ATP10D: variants seen among roughly 807,000 people sequenced by gnomAD.
ATP10D encodes the protein ATPase phospholipid transporting 10D (putative).
ATP10D carries 89 observed loss-of-function variants against 144.8 expected under a neutral mutation model. That is an observed-to-expected ratio of 0.61 (90% CI 0.52 to 0.73). The LOEUF (loss-of-function observed/expected upper bound fraction) is 0.73. Ranked by LOEUF, ATP10D falls within the 30% of genes least tolerant of loss-of-function variation. The pLI is 0.00. For synonymous variants in ATP10D, 571 were observed against 615.1 expected, an observed-to-expected ratio of 0.93 and a Z score of 1.06; for missense variants, 1,603 against 1,714.8, an observed-to-expected ratio of 0.93 and a Z score of 1.15.
chr4:47,581,697 G>T (rs1001390692), intron 20 of ATP10D, among the ~76,000 whole-genome samples: 5 of 152,176 alleles, frequency 3.3e-5, no homozygotes, highest in Non-Finnish European at 7.3e-5. Flanking sequence ...TAAAAAGCTA[G>T]AAGTGTGAGT....
intron 9 of ATP10D, 88 bp from the exon 10 acceptor site, chr4:47,546,536 G>A: frequency 1.6e-6 from 2 of 1,220,744 alleles, no homozygotes; most frequent in Non-Finnish European, 2.4e-6. Flanking sequence ...GAGATGGTGT[G>A]AAATAGCTGC....
At chr4:47,529,374 A>G (rs377573011) in intron 5 of ATP10D, among the ~76,000 whole-genome samples, 1 of 152,158 alleles carries the variant, frequency 6.6e-6, no homozygotes. Context: ...CAATTTTCCC[A>G]GCGCCATTTA....
chr4:47,548,624 C>A lies in ATP10D; in HGVS notation c.1635+1762C>A, dbSNP rs200756313. Among the ~76,000 whole-genome samples the A allele has an allele frequency of 1.4e-4, 22 of 152,268 alleles. No individual in the cohort carries two copies. The East Asian group carries it at 4.2e-3, about 29-fold the overall frequency. ...TACCAGGCTGTCTTTTCATCTGGGC[C>A]ATTTTCTTTTCATTTGCCTTATACT... On this transcript the variant is annotated intron_variant, in intron 10 of 22. Coordinates refer to ENST00000273859, the MANE Select transcript of ATP10D (RefSeq NM_020453.4).
intron 3 of ATP10D, among the ~76,000 whole-genome samples, chr4:47,519,113 A>G (rs1716820569): frequency 6.6e-6 from 1 of 152,238 alleles, no homozygotes; most frequent in Non-Finnish European, 1.5e-5. Flanking sequence ...GTTTTATTGG[A>G]AACATACTAA....
chr4:47,522,179 A>C (rs577715977), intron 3 of ATP10D, among the ~76,000 whole-genome samples: 3 of 152,224 alleles, frequency 2.0e-5, no homozygotes, highest in African/African-American at 7.2e-5. Context: ...ATTCTACTAT[A>C]CAAATGTCCT....
intron 21 of ATP10D, among the ~76,000 whole-genome samples, chr4:47,586,399 C>CA (rs1396122733): frequency 1.3e-5 from 2 of 152,222 alleles, no homozygotes; most frequent in Admixed American, 1.3e-4. Context: ...ACCATCCTCT[C>CA]AGAGAACTTC....
chr4:47,582,239 G>A (rs796528957), intron 21 of ATP10D, among the ~76,000 whole-genome samples, 175 bp downstream of exon 21: 7 of 152,324 alleles, frequency 4.6e-5, no homozygotes, highest in African/African-American at 1.7e-4. Flanking sequence ...TGAGGTTGAT[G>A]TGTAGCTGGG....
chr4:47,586,064 A>C (rs1720774748), intron 21 of ATP10D, among the ~76,000 whole-genome samples: 1 of 152,008 alleles, frequency 6.6e-6, no homozygotes, highest in Non-Finnish European at 1.5e-5. Flanking sequence ...TTTTTGAGGA[A>C]CCTCCAAACT....
intron 5 of ATP10D, among the ~76,000 whole-genome samples, chr4:47,532,748 A>T (rs1450491210): frequency 6.6e-6 from 1 of 152,148 alleles, no homozygotes; most frequent in African/African-American, 2.4e-5. Context: ...CCTATTTGTG[A>T]CTACACTGTA....
intron 10 of ATP10D, among the ~76,000 whole-genome samples, chr4:47,549,418 C>G (rs1299177997): frequency 6.6e-6 from 1 of 152,192 alleles, no homozygotes; most frequent in Non-Finnish European, 1.5e-5. Flanking sequence ...TTGTCTCCCC[C>G]AGGTAGAATG....
At chr4:47,572,299 G>T in intron 17 of ATP10D, 69 bp downstream of exon 17, 1 of 1,406,924 alleles carries the variant, frequency 7.1e-7, no homozygotes, top group African/African-American at 1.4e-5. Flanking sequence ...ATTCTCCATG[G>T]TAAATTCTCT....
At position 47,512,831 on chromosome 4, in the gene ATP10D, G is replaced by A; in HGVS notation, c.290+1G>A. ...GAAATTTATTTGAACAATTTCACAG[G>A]TACTGTTTTATTTTTGAAGAAAACC... On this transcript the variant is annotated splice_donor_variant, in intron 2 of 22. Transcript: ENST00000273859. LOFTEE classifies it high-confidence loss of function. The A allele has an allele frequency of 1.3e-6, 2 of 1,593,458 alleles. No individual in the cohort carries two copies. Among genetic ancestry groups the A allele is most frequent in the Non-Finnish European group, 1.7e-6 (2 of 1,165,826 alleles).
chr4:47,548,580 G>A (rs575772936), intron 10 of ATP10D, among the ~76,000 whole-genome samples: 1 of 152,274 alleles, frequency 6.6e-6, no homozygotes, highest in African/African-American at 2.4e-5. Flanking sequence ...ATTTTTAAAG[G>A]TTGTTGAAGG....
intron 1 of ATP10D, among the ~76,000 whole-genome samples, chr4:47,499,746 T>G (rs1249800842): frequency 6.6e-6 from 1 of 152,234 alleles, no homozygotes; most frequent in Non-Finnish European, 1.5e-5. Flanking sequence ...TTTTGATACT[T>G]TAAAGGATAA....
chr4:47,548,916 C>T (rs1718577870), intron 10 of ATP10D, among the ~76,000 whole-genome samples: 1 of 152,184 alleles, frequency 6.6e-6, no homozygotes, highest in African/African-American at 2.4e-5. Context: ...AAAAGCCCAT[C>T]TGTGGAGCCC....
At chr4:47,536,391 T>C in intron 7 of ATP10D, 46 bp from the exon 8 acceptor site, 2 of 1,596,886 alleles carry the variant, frequency 1.3e-6, no homozygotes, top group Non-Finnish European at 1.7e-6. Flanking sequence ...TTTGTTTGCA[T>C]GCCATATATT....
At chr4:47,516,702 T>C (rs1716706843) in intron 3 of ATP10D, among the ~76,000 whole-genome samples, 1 of 152,248 alleles carries the variant, frequency 6.6e-6, no homozygotes, top group South Asian at 2.1e-4. Flanking sequence ...AAAAGAACTT[T>C]ATTTATCTTT....
intron 16 of ATP10D, among the ~76,000 whole-genome samples, chr4:47,571,119 T>G (rs182142882): frequency 6.6e-6 from 1 of 152,130 alleles, no homozygotes; most frequent in Admixed American, 6.5e-5. Flanking sequence ...GCAGTAAAGT[T>G]TCAGGATTAA....
intron 21 of ATP10D, among the ~76,000 whole-genome samples, chr4:47,586,020 G>T (rs1227394343): frequency 2.0e-5 from 3 of 152,194 alleles, no homozygotes; most frequent in Non-Finnish European, 4.4e-5. Context: ...CCAGCAGTGG[G>T]ATTGCTGGAT....
Sources: gnomAD v4.1 joint callset for allele counts (sites outside exome capture counted in the v4.1 genomes callset) on GRCh38, gnomAD v4.1.1 for gene constraint, MANE v1.5 for transcripts, NCBI Gene and HGNC (gene_info 2026-07-23, HGNC 2026-07-21) for gene names.